Variants in RPS6KB1 observed in about 807,000 individuals in gnomAD.
The protein encoded by RPS6KB1 is ribosomal protein S6 kinase B1.
RPS6KB1 carries 12 observed loss-of-function variants against 70.2 expected under a neutral mutation model. The ratio of observed to expected loss-of-function variants is 0.17; its 90% CI spans 0.11 to 0.28. The LOEUF (loss-of-function observed/expected upper bound fraction) is 0.28. RPS6KB1 is among the 10% of genes least tolerant of loss of function. The pLI, the probability that RPS6KB1 is intolerant of heterozygous loss-of-function variation, is 1.00. For missense variants in RPS6KB1, 270 were observed against 646.6 expected (o/e 0.42, Z 6.32); for synonymous variants, 175 against 211.2 (o/e 0.83, Z 1.49).
At chr17:59,933,487 G>A (rs569132863) in intron 7 of RPS6KB1, among the ~76,000 whole-genome samples, 1 of 152,286 alleles carries the variant, frequency 6.6e-6, no homozygotes, top group Admixed American at 6.5e-5. Flanking sequence ...CCTTTTCTGT[G>A]AAATGAACCT....
At chr17:59,915,409 G>C (rs553518032) in intron 4 of RPS6KB1, among the ~76,000 whole-genome samples, 18 of 152,104 alleles carry the variant, frequency 1.2e-4, no homozygotes, top group African/African-American at 4.3e-4. Context: ...GCAATTCTTT[G>C]CTGAGGTAAC....
In RPS6KB1 at chr17:59,917,155, GT is replaced by G. The variant is rs2043006167; in HGVS notation, c.381+2453del. ...AGTTTTTGAGATAGGGTCTCGCCCT[GT>G]CACCTAGACAGGAGTGCGGTGACAC... On this transcript the variant is annotated intron_variant, in intron 4 of 14. Coordinates refer to ENST00000225577, the MANE Select transcript of RPS6KB1 (RefSeq NM_003161.4). 2.0e-5 allele frequency among the ~76,000 whole-genome samples: 3 copies of G among 152,118 alleles called. No individual in the cohort carries two copies. The South Asian group carries it at 6.2e-4, about 31-fold the overall frequency.
At position 59,947,409 on chromosome 17, in the gene RPS6KB1, A is replaced by T; in HGVS notation, c.*621A>T. 7.9e-7 allele frequency: 1 copy of T among 1,267,468 alleles called. No individual in the cohort carries two copies. The highest frequency in any genetic ancestry group is 2.5e-4 in the Middle Eastern group (1 of 3,990). The allele number at this position is 1,267,468 out of a possible 1,614,324, so 78.5% of individuals were successfully genotyped here. On this transcript the variant is annotated 3_prime_UTR_variant, in exon 15 of 15. Transcript: ENST00000225577. Reference sequence around the variant, plus strand: ...TGGTTGGTGTGAAGAAAGCCAGACAACTTCTGTTTCTTCTCTTGGTGAAAT... The same window carrying T: ...TGGTTGGTGTGAAGAAAGCCAGACATCTTCTGTTTCTTCTCTTGGTGAAAT...
intron 1 of RPS6KB1, among the ~76,000 whole-genome samples, chr17:59,904,108 TCTTGTTCTGTTGCCCAGG>T (rs1461072285): frequency 6.8e-6 from 1 of 147,134 alleles, no homozygotes; most frequent in Non-Finnish European, 1.5e-5. Flanking sequence ...TGAGATGGAG[TCTTGTTCTGTTGCCCAGG>T]CTGGAGTGCA....
In RPS6KB1 at chr17:59,946,918, A is replaced by G; in HGVS notation, c.*130A>G. On this transcript the variant is annotated 3_prime_UTR_variant, in exon 15 of 15. Coordinates refer to ENST00000225577, the MANE Select transcript of RPS6KB1 (RefSeq NM_003161.4). This position sits in a 1 kb window ranked among gnomAD's most constrained non-coding sequence, Gnocchi z 4.2. ...TGTCATTACATAGAACACTTCAGAC[A>G]CAGGAAAAATAAACGTGGATTTTAA... 1 of 1,501,098 alleles carries G rather than the reference A, an allele frequency of 6.7e-7. No homozygotes were observed. Among genetic ancestry groups the G allele is most frequent in the East Asian group, 2.3e-5 (1 of 43,476 alleles). 93.0% of individuals were successfully genotyped at this position (1,501,098 alleles called of 1,614,324 possible).
In RPS6KB1 at chr17:59,947,407, C is replaced by T. The variant is rs2044988012; in HGVS notation, c.*619C>T. The T allele has an allele frequency of 7.9e-7, 1 of 1,264,502 alleles. No individual in the cohort carries two copies. Among genetic ancestry groups the T allele is most frequent in the Non-Finnish European group, 1.0e-6 (1 of 997,490 alleles). 78.3% of individuals were successfully genotyped at this position (1,264,502 alleles called of 1,614,324 possible). ...ATTGGTTGGTGTGAAGAAAGCCAGACAACTTCTGTTTCTTCTCTTGGTGAA... is the reference window on the plus strand; with the variant it reads ...ATTGGTTGGTGTGAAGAAAGCCAGATAACTTCTGTTTCTTCTCTTGGTGAA... On this transcript the variant is annotated 3_prime_UTR_variant, in exon 15 of 15. Transcript: ENST00000225577.
At chr17:59,936,622 G>A in intron 12 of RPS6KB1, 81 bp downstream of exon 12, 1 of 1,128,702 alleles carries the variant, frequency 8.9e-7, no homozygotes, top group Non-Finnish European at 1.3e-6. Flanking sequence ...AAGGTGGGAG[G>A]ATTGTTTGAG....
At position 59,947,834 on chromosome 17, in the gene RPS6KB1, G is replaced by A. The variant is rs948757850; in HGVS notation, c.*1046G>A. Reference sequence around the variant, plus strand: ...GAGATAGGGATATCCAGGGGAAGAGGGTGTTGCTGTGGCCCACTCTCTGTC... The same window carrying A: ...GAGATAGGGATATCCAGGGGAAGAGAGTGTTGCTGTGGCCCACTCTCTGTC... On this transcript the variant is annotated 3_prime_UTR_variant, in exon 15 of 15. Transcript: ENST00000225577. 3 of 453,812 alleles carry A rather than the reference G, an allele frequency of 6.6e-6. No homozygotes were observed. The highest frequency in any genetic ancestry group is 6.1e-5 in the African/African-American group (3 of 49,382). The allele number at this position is 453,812 out of a possible 1,614,324, so 28.1% of individuals were successfully genotyped here. A position where few individuals can be genotyped will look rare whatever the true frequency, so the allele number is the denominator to read the frequency against.
intron 12 of RPS6KB1, among the ~76,000 whole-genome samples, chr17:59,936,886 T>A (rs2092999916): frequency 6.6e-6 from 1 of 152,146 alleles, no homozygotes. Flanking sequence ...TGAGATGGGG[T>A]CTCACTCTGT....
intron 1 of RPS6KB1, among the ~76,000 whole-genome samples, chr17:59,906,658 G>A (rs1038949017): frequency 4.6e-5 from 7 of 151,852 alleles, no homozygotes; most frequent in African/African-American, 1.5e-4. Flanking sequence ...CACCACACCC[G>A]GCCTGGCTCC....
chr17:59,893,277 C>T lies in RPS6KB1; in HGVS notation c.93C>T (p.Asp31=). Residue 31 remains aspartate (D), a synonymous_variant, in exon 1 of 15, where the codon GAC becomes GAT. Transcript: ENST00000225577. This position sits in a 1 kb window ranked among gnomAD's most constrained non-coding sequence, Gnocchi z 4.1. The part of the protein sequence containing the change: ...AEDMAGVFDI[D]LDQPEDAGSE... ...ACATGGCAGGAGTGTTTGACATAGA[C>T]CTGGACCAGCCAGAGGACGCGGGCT... is the stretch of plus-strand genomic sequence containing the variant. 6.2e-7 allele frequency: 1 copy of T among 1,612,058 alleles called. No homozygotes were observed. Among genetic ancestry groups the T allele is most frequent in the Non-Finnish European group, 8.5e-7 (1 of 1,179,330 alleles).
chr17:59,900,555 G>A (rs1012229833), intron 1 of RPS6KB1, among the ~76,000 whole-genome samples: 123 of 151,876 alleles, frequency 8.1e-4, no homozygotes, highest in African/African-American at 2.9e-3. Flanking sequence ...TAGTAGAGGC[G>A]GGGTTTCTCC....
chr17:59,901,909 C>T (rs541034300), intron 1 of RPS6KB1, among the ~76,000 whole-genome samples: 7 of 148,716 alleles, frequency 4.7e-5, no homozygotes, highest in Non-Finnish European at 1.0e-4. Flanking sequence ...GTCTCAGCTG[C>T]TTGGAAGGCT....
At chr17:59,919,040 A>G (rs541816289) in intron 4 of RPS6KB1, among the ~76,000 whole-genome samples, 10 of 152,130 alleles carry the variant, frequency 6.6e-5, no homozygotes, top group Non-Finnish European at 1.3e-4. Context: ...CCATGTTGTC[A>G]GCCTGATCTC....
intron 1 of RPS6KB1, among the ~76,000 whole-genome samples, chr17:59,901,625 GAA>G (rs58530265): frequency 3.5e-3 from 279 of 79,180 alleles, no homozygotes; most frequent in Non-Finnish European, 4.0e-3. Context: ...CCCTGTCTCT[GAA>G]AAAAAAAAAA....
chr17:59,910,689 A>G (rs919027408), intron 2 of RPS6KB1, 78 bp downstream of exon 2: 12 of 893,992 alleles, frequency 1.3e-5, no homozygotes, highest in Non-Finnish European at 2.2e-5. Flanking sequence ...CGTAGCAATC[A>G]TGTGATTCCT....
At chr17:59,901,537 C>T (rs2041945287) in intron 1 of RPS6KB1, among the ~76,000 whole-genome samples, 1 of 148,906 alleles carries the variant, frequency 6.7e-6, no homozygotes, top group Non-Finnish European at 1.5e-5. Flanking sequence ...CGCCTGTAAT[C>T]CCAGTACTTT....
intron 4 of RPS6KB1, among the ~76,000 whole-genome samples, chr17:59,924,320 C>G (rs955181331): frequency 1.6e-5 from 2 of 124,890 alleles, no homozygotes; most frequent in African/African-American, 7.7e-5. Flanking sequence ...CAGAGTGAGA[C>G]TCTGTCTAGA....
intron 1 of RPS6KB1, among the ~76,000 whole-genome samples, chr17:59,899,425 G>GA (rs2041775340): frequency 6.6e-6 from 1 of 152,150 alleles, no homozygotes; most frequent in African/African-American, 2.4e-5. Flanking sequence ...CTTAGGAAAT[G>GA]AAACATAGCT....
Sources: allele counts gnomAD v4.1 joint callset (sites outside exome capture counted in the v4.1 genomes callset), GRCh38; gene constraint gnomAD v4.1.1; non-coding constraint Gnocchi (gnomAD v3.1); transcripts MANE v1.5; gene names NCBI Gene and HGNC (gene_info 2026-07-23, HGNC 2026-07-21).